The following TTC34 variants were observed in gnomAD, a reference collection of about 807,000 sequenced individuals.
The protein encoded by TTC34 is tetratricopeptide repeat protein 34.
A neutral mutation model predicts 40.7 loss-of-function variants in TTC34; 44 were observed. The ratio of observed to expected loss-of-function variants is 1.08; its 90% CI spans 0.85 to 1.39. TTC34 has a LOEUF of 1.39. TTC34 is among the 40% of genes most tolerant of loss of function. The probability of loss-of-function intolerance (pLI) is 0.00; values close to 1 mark genes in which losing one functional copy is unlikely to be tolerated. For synonymous variants in TTC34, 422 were observed against 398.6 expected (o/e 1.06, Z -0.70); for missense variants, 884 against 838.0 (o/e 1.05, Z -0.68).
chr1:2,749,668 G>A, intron 6 of TTC34, among the ~76,000 whole-genome samples: 1 of 105,238 alleles, frequency 9.5e-6, no homozygotes, highest in South Asian at 3.5e-4. Flanking sequence ...CCGACAGCCT[G>A]GAGCAGCAAC....
At chr1:2,797,095 G>A (rs1643715862) in intron 2 of TTC34, among the ~76,000 whole-genome samples, 1 of 152,176 alleles carries the variant, frequency 6.6e-6, no homozygotes, top group Non-Finnish European at 1.5e-5. Context: ...GCACAGTATG[G>A]AGGGCGGTTA....
intron 6 of TTC34, among the ~76,000 whole-genome samples, chr1:2,683,511 A>T (rs1337707913): frequency 1.3e-5 from 2 of 148,454 alleles, no homozygotes; most frequent in South Asian, 2.1e-4. Context: ...CGGCACCCAC[A>T]CCACCAGGTG....
chr1:2,685,021 T>A (rs1263558962), intron 6 of TTC34, among the ~76,000 whole-genome samples: 3 of 143,090 alleles, frequency 2.1e-5, no homozygotes, highest in South Asian at 2.2e-4. Context: ...TCTGACAGCA[T>A]GTAACAGCAC....
rs201698618 is a variant in TTC34 at position 2,688,314 on chromosome 1, G to A, written c.2227-42751C>T. Among the ~76,000 whole-genome samples, 7 of 126,024 alleles carry A rather than the reference G, an allele frequency of 5.6e-5. No homozygotes were observed. In the South Asian group the frequency reaches 1.3e-3, roughly 23 times the overall value. 82.7% of individuals were successfully genotyped at this position (126,024 alleles called of 152,430 possible). ...TCCCAGGCGAGCATCTGACAGCCTG[G>A]AGCAGAACCCCACACCCCCAGGTGA... On this transcript the variant is annotated intron_variant, in intron 6 of 8. Transcript: ENST00000401095.
At chr1:2,693,852 GA>G (rs1640738448) in intron 6 of TTC34, among the ~76,000 whole-genome samples, 1 of 131,536 alleles carries the variant, frequency 7.6e-6, no homozygotes, top group African/African-American at 3.0e-5. Context: ...TGACAGCCTG[GA>G]ACAGAACCCA....
intron 6 of TTC34, among the ~76,000 whole-genome samples, chr1:2,757,619 C>A (rs1641549614): frequency 1.4e-5 from 2 of 146,520 alleles, no homozygotes; most frequent in African/African-American, 2.6e-5. Flanking sequence ...CAGCCTGGAA[C>A]AGCACCCACA....
At chr1:2,683,837 C>G (rs1216661765) in intron 6 of TTC34, among the ~76,000 whole-genome samples, 1 of 143,874 alleles carries the variant, frequency 7.0e-6, no homozygotes, top group African/African-American at 2.6e-5. Flanking sequence ...CCCACACCCC[C>G]AGGTGAACAT....
At chr1:2,798,990 C>T (rs1643743762) in intron 2 of TTC34, among the ~76,000 whole-genome samples, 1 of 145,756 alleles carries the variant, frequency 6.9e-6, no homozygotes, top group African/African-American at 2.5e-5. Flanking sequence ...AGCCTCCAAG[C>T]CTCCCAGCCT....
chr1:2,699,373 C>A, intron 6 of TTC34, among the ~76,000 whole-genome samples: 1 of 113,078 alleles, frequency 8.8e-6, no homozygotes, highest in African/African-American at 2.8e-5. Flanking sequence ...ACCGCACACC[C>A]GCAGGTGAGC....
exon 9 of TTC34, chr1:2,641,237 G>C (rs1340111163): frequency 2.1e-5 from 22 of 1,044,768 alleles, no homozygotes; most frequent in Non-Finnish European, 2.9e-5. Context: ...GGGAGGGCTG[G>C]GAAGGGGGTG....
chr1:2,683,969 T>G (rs373621581), intron 6 of TTC34, among the ~76,000 whole-genome samples: 3 of 124,154 alleles, frequency 2.4e-5, no homozygotes, highest in East Asian at 2.6e-4. Flanking sequence ...GTTGAGCATC[T>G]GACAGCCTGG....
chr1:2,752,336 G>C, intron 6 of TTC34, among the ~76,000 whole-genome samples: 1 of 129,066 alleles, frequency 7.7e-6, no homozygotes, highest in Non-Finnish European at 1.6e-5. Flanking sequence ...CACACCCCCA[G>C]GTGAGCATCT....
intron 6 of TTC34, among the ~76,000 whole-genome samples, chr1:2,683,811 A>C (rs1640193459): frequency 1.3e-5 from 2 of 149,146 alleles, no homozygotes; most frequent in Admixed American, 1.3e-4. Context: ...TGAGCATCTG[A>C]CAGCCGGGAA....
intron 6 of TTC34, among the ~76,000 whole-genome samples, chr1:2,750,925 A>AAC (rs1307945133): frequency 1.1e-5 from 1 of 93,640 alleles, no homozygotes; most frequent in African/African-American, 4.9e-5. Flanking sequence ...CAGCACCCAC[A>AAC]CCTTCAGGCG....
At chr1:2,748,854 T>C (rs1466245784) in intron 6 of TTC34, among the ~76,000 whole-genome samples, 1 of 135,954 alleles carries the variant, frequency 7.4e-6, no homozygotes, top group East Asian at 2.5e-4. Context: ...CAGGTGAGCA[T>C]CTGATGCTTT....
intron 6 of TTC34, among the ~76,000 whole-genome samples, chr1:2,692,529 G>A (rs1415046549): frequency 8.9e-6 from 1 of 112,664 alleles, no homozygotes; most frequent in Non-Finnish European, 1.8e-5. Flanking sequence ...GTGACAGCTT[G>A]GATCAGCACC....
intron 6 of TTC34, among the ~76,000 whole-genome samples, chr1:2,753,256 C>CA (rs1641386203): frequency 7.7e-6 from 1 of 129,538 alleles, no homozygotes. Flanking sequence ...GCACCCACAC[C>CA]CCAGGTGAGC....
At chr1:2,646,371 T>G (rs921006474) in intron 6 of TTC34, among the ~76,000 whole-genome samples, 1 of 152,198 alleles carries the variant, frequency 6.6e-6, no homozygotes, top group Non-Finnish European at 1.5e-5. Flanking sequence ...CATAGTGCAT[T>G]ATTTCAAGTG....
chr1:2,699,732 AC>A (rs1382490702), intron 6 of TTC34, among the ~76,000 whole-genome samples: 2 of 55,512 alleles, frequency 3.6e-5, no homozygotes, highest in South Asian at 7.2e-4. Flanking sequence ...CAGCACCCAC[AC>A]CCCCATTTGA....
Sources: gnomAD v4.1 joint callset for allele counts (sites outside exome capture counted in the v4.1 genomes callset) on GRCh38, gnomAD v4.1.1 for gene constraint, MANE v1.5 for transcripts, NCBI Gene and HGNC (gene_info 2026-07-23, HGNC 2026-07-21) for gene names.